MTUS1: variants seen among roughly 807,000 people sequenced by gnomAD.
MTUS1 encodes the protein microtubule-associated tumor suppressor 1.
In MTUS1, 109 loss-of-function variants were observed where a neutral mutation model predicts 120.8. The observed-to-expected ratio is 0.90, with a 90% CI of 0.77 to 1.06. The LOEUF is 1.06. MTUS1 is among the 50% of genes least tolerant of loss of function. The pLI, the probability that MTUS1 is intolerant of heterozygous loss-of-function variation, is 0.00. For synonymous variants in MTUS1, 737 were observed against 550.5 expected (o/e 1.34, Z -4.74); for missense variants, 2,210 against 1,486.3 (o/e 1.49, Z -8.01).
At chr8:17,722,412 G>A (rs2045913769) in intron 4 of MTUS1, 2 of 985,036 alleles carry the variant, frequency 2.0e-6, no homozygotes, top group Non-Finnish European at 2.4e-6. Flanking sequence ...TAATACACGT[G>A]TGAATTACCT....
chr8:17,691,704 GT>G (rs200014137), intron 6 of MTUS1, among the ~76,000 whole-genome samples: 17 of 150,568 alleles, frequency 1.1e-4, no homozygotes, highest in Non-Finnish European at 1.5e-4. Context: ...TAATATATGT[GT>G]TTTTTTTTAA....
chr8:17,732,161 T>A (rs781003988), intron 3 of MTUS1, among the ~76,000 whole-genome samples: 27 of 152,100 alleles, frequency 1.8e-4, no homozygotes, highest in Non-Finnish European at 5.9e-5. Context: ...GAAAAGCCAA[T>A]GACAAAGCCA....
At chr8:17,734,661 G>A (rs1461901118) in intron 3 of MTUS1, among the ~76,000 whole-genome samples, 1 of 152,078 alleles carries the variant, frequency 6.6e-6, no homozygotes, top group Non-Finnish European at 1.5e-5. Context: ...TAAATTCAGA[G>A]GGGAATAAAC....
intron 4 of MTUS1, chr8:17,721,922 T>A: frequency 6.2e-7 from 1 of 1,604,956 alleles, no homozygotes; most frequent in South Asian, 1.1e-5. Context: ...CAAAGCAAGC[T>A]TAAGCAGGAA....
chr8:17,666,187 C>A (rs1187930645), intron 8 of MTUS1, among the ~76,000 whole-genome samples: 4 of 145,634 alleles, frequency 2.7e-5, no homozygotes, highest in African/African-American at 1.0e-4. Flanking sequence ...GGCGAGAGCA[C>A]AGCTGAATAT....
At chr8:17,698,519 A>G (rs996974412) in intron 6 of MTUS1, among the ~76,000 whole-genome samples, 4 of 152,320 alleles carry the variant, frequency 2.6e-5, no homozygotes, top group African/African-American at 7.2e-5. Context: ...AAACAAAACA[A>G]TGTTTTAAAA....
chr8:17,661,864 G>A (rs1809790303), intron 8 of MTUS1, among the ~76,000 whole-genome samples: 2 of 152,334 alleles, frequency 1.3e-5, no homozygotes, highest in South Asian at 4.2e-4. Flanking sequence ...CCGGTGTGCT[G>A]CTGGGGAACA....
At chr8:17,792,756 CA>C (rs747948899) in intron 1 of MTUS1, among the ~76,000 whole-genome samples, 49 of 152,186 alleles carry the variant, frequency 3.2e-4, no homozygotes, top group Admixed American at 1.0e-3. Context: ...GCCAGGTACT[CA>C]GAAGGCTATG....
chr8:17,787,734 T>C (rs1050128807), intron 1 of MTUS1, among the ~76,000 whole-genome samples: 6 of 152,204 alleles, frequency 3.9e-5, no homozygotes, highest in East Asian at 3.9e-4. Flanking sequence ...CAATTGTACA[T>C]TGCTACTGTT....
intron 8 of MTUS1, among the ~76,000 whole-genome samples, chr8:17,656,962 G>C (rs960454293): frequency 1.3e-5 from 2 of 150,708 alleles, no homozygotes; most frequent in Non-Finnish European, 2.9e-5. Context: ...GGGAAGTTGA[G>C]GCAGGAGAAT....
At chr8:17,789,036 CTTTTTT>C (rs1047810081) in intron 1 of MTUS1, among the ~76,000 whole-genome samples, 1 of 144,418 alleles carries the variant, frequency 6.9e-6, no homozygotes, top group Non-Finnish European at 1.5e-5. Flanking sequence ...TTTTAGTTGT[CTTTTTT>C]TTTTTTTGAG....
Position 17,685,146 on chromosome 8 carries a change from T to C in MTUS1, c.2624-604A>G, listed in dbSNP as rs562206027. On this transcript the variant is annotated intron_variant, in intron 6 of 14. Coordinates refer to ENST00000693296, the MANE Select transcript of MTUS1 (RefSeq NM_001363059.2). ...GTTAGGAGTACTATACTGTTGACTA[T>C]ACTATTCCATTTTCTATCGAACACA... Among the ~76,000 whole-genome samples the C allele has an allele frequency of 2.0e-5, 3 of 152,328 alleles. No homozygotes were observed. In the South Asian group the frequency reaches 6.2e-4, roughly 32 times the overall value.
intron 3 of MTUS1, among the ~76,000 whole-genome samples, chr8:17,735,135 T>G (rs2046840387): frequency 6.6e-6 from 1 of 152,134 alleles, no homozygotes; most frequent in South Asian, 2.1e-4. Context: ...TCTCTACATA[T>G]TTTTACTCTT....
At chr8:17,678,935 G>C (rs1464058420) in intron 7 of MTUS1, among the ~76,000 whole-genome samples, 2 of 152,102 alleles carry the variant, frequency 1.3e-5, no homozygotes, top group African/African-American at 2.4e-5. Context: ...ACTAAGCAAG[G>C]ATAAACCAAG....
At chr8:17,650,294 T>A (rs1202377534) in intron 12 of MTUS1, among the ~76,000 whole-genome samples, 2 of 152,204 alleles carry the variant, frequency 1.3e-5, no homozygotes, top group Non-Finnish European at 2.9e-5. Context: ...AGTCAGTTAT[T>A]GGCATTTTCT....
intron 5 of MTUS1, among the ~76,000 whole-genome samples, chr8:17,713,945 A>G (rs1585892009): frequency 6.6e-6 from 1 of 152,218 alleles, no homozygotes; most frequent in Admixed American, 6.5e-5. Flanking sequence ...GTTGCGACAT[A>G]ACCTATCCAT....
At chr8:17,678,847 A>G (rs188345220) in intron 7 of MTUS1, among the ~76,000 whole-genome samples, 44 of 152,232 alleles carry the variant, frequency 2.9e-4, no homozygotes, top group African/African-American at 1.0e-3. Context: ...GCCACCCAAT[A>G]GACCCTTTTA....
chr8:17,749,788 A>ATTGACGTC (rs1221127338), intron 2 of MTUS1, among the ~76,000 whole-genome samples: 9 of 151,996 alleles, frequency 5.9e-5, no homozygotes, highest in Non-Finnish European at 1.0e-4. Context: ...ACATGTACTG[A>ATTGACGTC]TTGACGTCTT....
At chr8:17,726,676 T>C (rs1299387187) in intron 3 of MTUS1, among the ~76,000 whole-genome samples, 2 of 152,170 alleles carry the variant, frequency 1.3e-5, no homozygotes, top group African/African-American at 4.8e-5. Flanking sequence ...TAGCAACTGT[T>C]AGATAGCAAA....
Sources: allele counts gnomAD v4.1 joint callset (sites outside exome capture counted in the v4.1 genomes callset), GRCh38; gene constraint gnomAD v4.1.1; transcripts MANE v1.5; gene names NCBI Gene and HGNC (gene_info 2026-07-23, HGNC 2026-07-21).